The following NELL1 variants were observed in gnomAD, a reference collection of about 807,000 sequenced individuals.
NELL1 encodes protein kinase C-binding protein NELL1.
A neutral mutation model predicts 107.4 loss-of-function variants in NELL1; 76 were observed. The observed-to-expected ratio is 0.71, with a 90% CI of 0.59 to 0.86. The LOEUF is 0.86. Ranked by LOEUF, NELL1 falls within the 40% of genes least tolerant of loss-of-function variation. NELL1 has a pLI of 0.00. For synonymous variants in NELL1, 353 were observed against 341.2 expected, an observed-to-expected ratio of 1.03 and a Z score of -0.38; for missense variants, 1,024 against 1,005.5, an observed-to-expected ratio of 1.02 and a Z score of -0.25.
chr11:21,471,727 A>G lies in NELL1; in HGVS notation c.1646-62647A>G, dbSNP rs79325785. Among the ~76,000 whole-genome samples the G allele has an allele frequency of 3.6e-3, 542 of 152,174 alleles. 3 individuals carry two copies. Among genetic ancestry groups the G allele is most frequent in the African/African-American group, 0.013 (522 of 41,554 alleles). ...ACTTGTCCAAGGTCAAAAGACATAA[A>G]GATGCAAACATGAGATACTAAATAA... On this transcript the variant is annotated intron_variant, in intron 15 of 19. Transcript: ENST00000357134.
intron 2 of NELL1, among the ~76,000 whole-genome samples, chr11:20,752,797 A>G (rs1365270680): frequency 2.6e-5 from 4 of 152,210 alleles, no homozygotes; most frequent in African/African-American, 7.2e-5. Context: ...AGACCACAAC[A>G]TTACTTTTCA....
At chr11:20,675,437 G>A (rs897525152) in intron 1 of NELL1, among the ~76,000 whole-genome samples, 4 of 152,172 alleles carry the variant, frequency 2.6e-5, no homozygotes, top group African/African-American at 7.2e-5. Context: ...TGCACCCAAA[G>A]TATTGATCAT....
intron 13 of NELL1, among the ~76,000 whole-genome samples, chr11:21,174,110 C>T (rs927933846): frequency 6.6e-6 from 1 of 151,546 alleles, no homozygotes; most frequent in African/African-American, 2.4e-5. Context: ...GAACTGGAGC[C>T]AATATTTTAA....
chr11:20,821,679 A>C (rs16906840), intron 3 of NELL1, among the ~76,000 whole-genome samples: 10,259 of 152,308 alleles, frequency 0.067, 348 homozygotes, highest in South Asian at 0.09. Flanking sequence ...ATTTTAATAG[A>C]GCCTCAGCAG....
rs1856819738 is a variant in NELL1 at position 21,560,338 on chromosome 11, G to A, written c.1936G>A (p.Val646Met). 2 of 1,607,664 alleles carry A rather than the reference G, an allele frequency of 1.2e-6. No homozygotes were observed. The highest frequency in any genetic ancestry group is 1.3e-5 in the African/African-American group (1 of 74,634). The change falls in exon 17 of 20, where the codon GTG (valine) becomes ATG (methionine). Residue 646 changes from valine to methionine, a missense_variant. Physicochemically the swap from Val to Met is conservative, Grantham distance 21. Transcript: ENST00000357134. ...HEGGLKHNGQ[V>M]WTLKEDRCSV... ...AGGGGGGCTGAAGCACAATGGCCAG[G>A]TGTGGACCTTGAAAGAAGACAGGTG... is the stretch of plus-strand genomic sequence containing the variant.
chr11:20,826,368 C>T (rs1465921056), intron 3 of NELL1, among the ~76,000 whole-genome samples: 4 of 151,240 alleles, frequency 2.6e-5, no homozygotes, highest in African/African-American at 9.7e-5. Flanking sequence ...GAGCATTCTC[C>T]TTACATGCAT....
chr11:21,258,872 C>G (rs1032712847), intron 14 of NELL1, among the ~76,000 whole-genome samples: 8 of 151,824 alleles, frequency 5.3e-5, no homozygotes, highest in African/African-American at 1.9e-4. Context: ...GATAGAGGTT[C>G]AGAAAATGGT....
rs574524902 is a variant in NELL1 at position 20,824,242 on chromosome 11, C to A, written c.336-23341C>A. Among the ~76,000 whole-genome samples the A allele has an allele frequency of 1.7e-4, 26 of 151,416 alleles. 2 individuals are homozygous for A. Among genetic ancestry groups the A allele is most frequent in the Admixed American group, 5.3e-4 (8 of 15,054 alleles). On this transcript the variant is annotated intron_variant, in intron 3 of 19. Transcript: ENST00000357134. ...TTTGCTTCTCCTTCTGCCATGAATGCAAGTTTCCTGGGGACTTCCCAGCCA... is the reference window on the plus strand; with the variant it reads ...TTTGCTTCTCCTTCTGCCATGAATGAAAGTTTCCTGGGGACTTCCCAGCCA...
chr11:21,126,654 A>C (rs1855492433), intron 13 of NELL1, among the ~76,000 whole-genome samples: 1 of 152,136 alleles, frequency 6.6e-6, no homozygotes. Flanking sequence ...TGTTCACCAT[A>C]TTTCCTTTTT....
intron 1 of NELL1, among the ~76,000 whole-genome samples, chr11:20,671,847 C>T (rs549632386): frequency 6.6e-6 from 1 of 152,002 alleles, no homozygotes; most frequent in Non-Finnish European, 1.5e-5. Flanking sequence ...TGAATTAATT[C>T]TAGGGAGGAG....
At chr11:21,472,173 T>C (rs1212579400) in intron 15 of NELL1, among the ~76,000 whole-genome samples, 4 of 151,968 alleles carry the variant, frequency 2.6e-5, no homozygotes, top group Non-Finnish European at 4.4e-5. Context: ...GTTTGTTTGT[T>C]TGTTTGTTTT....
intron 7 of NELL1, among the ~76,000 whole-genome samples, chr11:20,923,679 T>C (rs1398155505): frequency 2.0e-5 from 3 of 152,196 alleles, no homozygotes; most frequent in African/African-American, 7.2e-5. Context: ...TACTGAAGAC[T>C]GGGACTTTCT....
Position 21,020,502 on chromosome 11 carries a change from GT to G in NELL1, c.1300+59951del, listed in dbSNP as rs1012092627. Among the ~76,000 whole-genome samples, 692 of 150,560 alleles carry G rather than the reference GT, an allele frequency of 4.6e-3. 7 individuals are homozygous for G. Among genetic ancestry groups the G allele is most frequent in the Admixed American group, 9.8e-3 (148 of 15,070 alleles). Reference sequence around the variant, plus strand: ...GCCATCTGAGAAGAAAGTTAGTTTTGTTTTTTTTTCTTTTTTTGGAAGGTTA... The same window carrying G: ...GCCATCTGAGAAGAAAGTTAGTTTTGTTTTTTTTCTTTTTTTGGAAGGTTA... On this transcript the variant is annotated intron_variant, in intron 12 of 19. Transcript: ENST00000357134.
chr11:20,784,694 G>A (rs1438560983), intron 3 of NELL1, among the ~76,000 whole-genome samples: 2 of 152,146 alleles, frequency 1.3e-5, no homozygotes, highest in African/African-American at 2.4e-5. Flanking sequence ...TAATCATTAG[G>A]TAACCTAAAC....
chr11:20,701,762 G>A (rs1386603596), intron 2 of NELL1, among the ~76,000 whole-genome samples: 2 of 152,202 alleles, frequency 1.3e-5, no homozygotes, highest in South Asian at 2.1e-4. Context: ...TTATTAAATG[G>A]GGAATCCTTT....
intron 3 of NELL1, among the ~76,000 whole-genome samples, chr11:20,822,099 G>A (rs925432816): frequency 1.3e-5 from 2 of 152,170 alleles, no homozygotes; most frequent in African/African-American, 2.4e-5. Flanking sequence ...GTCTAGGAGT[G>A]GACAGGAGCA....
intron 14 of NELL1, among the ~76,000 whole-genome samples, chr11:21,337,842 T>TTTCTTTCG (rs1850467490): frequency 7.2e-6 from 1 of 138,854 alleles, no homozygotes; most frequent in African/African-American, 2.7e-5. Flanking sequence ...CTTTCTTTTC[T>TTTCTTTCG]TTCTTTCTTT....
intron 3 of NELL1, among the ~76,000 whole-genome samples, chr11:20,844,404 C>A (rs151096218): frequency 6.6e-6 from 1 of 152,278 alleles, no homozygotes; most frequent in East Asian, 1.9e-4. Flanking sequence ...TTTGTTGGAA[C>A]AACACACTTG....
chr11:21,449,013 C>T (rs950845183), intron 15 of NELL1, among the ~76,000 whole-genome samples: 5 of 152,108 alleles, frequency 3.3e-5, no homozygotes, highest in Admixed American at 6.5e-5. Flanking sequence ...AAATCTGCTA[C>T]GAGTATTAAT....
Sources: allele counts gnomAD v4.1 joint callset (sites outside exome capture counted in the v4.1 genomes callset), GRCh38; gene constraint gnomAD v4.1.1; transcripts MANE v1.5; gene names NCBI Gene and HGNC (gene_info 2026-07-23, HGNC 2026-07-21).